Variants in EPS15L1 observed in about 807,000 individuals in gnomAD.
EPS15L1 encodes the protein epidermal growth factor receptor pathway substrate 15 like 1, also known as epidermal growth factor receptor substrate 15-like 1.
Under a neutral mutation model 117.1 loss-of-function variants are expected in EPS15L1, and 43 were observed. That is an observed-to-expected ratio of 0.37 (90% CI 0.29 to 0.47). The LOEUF (loss-of-function observed/expected upper bound fraction) is 0.47, where lower values mean the gene tolerates loss of function less well. Ranked by LOEUF, EPS15L1 falls within the 20% of genes least tolerant of loss-of-function variation. The pLI is 0.99. For missense variants in EPS15L1, 981 were observed against 1,164.0 expected, an observed-to-expected ratio of 0.84 and a Z score of 2.29; for synonymous variants, 459 against 470.5, an observed-to-expected ratio of 0.98 and a Z score of 0.32.
chr19:16,417,818 C>T (rs920321312), intron 11 of EPS15L1, 130 bp downstream of exon 11: 16 of 1,369,482 alleles, frequency 1.2e-5, no homozygotes, highest in African/African-American at 4.3e-5. Flanking sequence ...TCCCGGGGGC[C>T]CCTGTTGAGG....
chr19:16,461,442 A>G (rs1287751188), intron 1 of EPS15L1, among the ~76,000 whole-genome samples: 1 of 151,872 alleles, frequency 6.6e-6, no homozygotes, highest in Non-Finnish European at 1.5e-5. Context: ...GGCAACATGG[A>G]GAAACCCCAT....
Position 16,405,001 on chromosome 19 carries a change from AG to A in EPS15L1, c.1267-253del, listed in dbSNP as rs1161051043. On this transcript the variant is annotated intron_variant, in intron 13 of 23. Coordinates refer to ENST00000455140, the MANE Select transcript of EPS15L1 (RefSeq NM_001258374.3). This position sits in a 1 kb window ranked among gnomAD's most constrained non-coding sequence, Gnocchi z 4.0. ...CCTAACAGAGGCCAGGTGCGAGAGA[AG>A]GGGCTGGGTCCCTGTGAGAAAAAGG... Among the ~76,000 whole-genome samples, 2 of 152,182 alleles carry A rather than the reference AG, an allele frequency of 1.3e-5. No homozygotes were observed. The highest frequency in any genetic ancestry group is 4.1e-4 in the South Asian group (2 of 4,834).
At chr19:16,461,401 G>A (rs1022436854) in intron 1 of EPS15L1, among the ~76,000 whole-genome samples, 3 of 151,900 alleles carry the variant, frequency 2.0e-5, no homozygotes, top group South Asian at 4.2e-4. Context: ...CAGGTGGATC[G>A]CTTTGAGCTC....
At chr19:16,410,035 G>A (rs1051291276) in intron 13 of EPS15L1, among the ~76,000 whole-genome samples, 3 of 149,338 alleles carry the variant, frequency 2.0e-5, no homozygotes, top group Non-Finnish European at 1.5e-5. Context: ...TCGGGAAGCC[G>A]AGGCACGAAA....
chr19:16,357,357 TCAGTGCCCG>T (rs2091994974), intron 23 of EPS15L1: 1 of 152,262 alleles, frequency 6.6e-6, no homozygotes, highest in African/African-American at 2.4e-5. Context: ...GGTGTGAGGC[TCAGTGCCCG>T]ACCTTGGGGT....
At chr19:16,457,337 C>G (rs1283909409) in intron 1 of EPS15L1, among the ~76,000 whole-genome samples, 1 of 152,144 alleles carries the variant, frequency 6.6e-6, no homozygotes, top group East Asian at 1.9e-4. Context: ...ATGGAAGAGA[C>G]AGGATGGAGG....
chr19:16,457,015 C>T (rs570258865), intron 1 of EPS15L1, among the ~76,000 whole-genome samples: 4 of 152,126 alleles, frequency 2.6e-5, no homozygotes, highest in South Asian at 2.1e-4. Context: ...AGATGGTAAA[C>T]GGCAGAAATC....
At chr19:16,413,494 A>C in intron 13 of EPS15L1, 1 of 725,594 alleles carries the variant, frequency 1.4e-6, no homozygotes. Context: ...TCTCCCTATC[A>C]GGAGTTCACT....
intron 16 of EPS15L1, chr19:16,401,435 A>G: frequency 1.0e-6 from 1 of 985,592 alleles, no homozygotes; most frequent in African/African-American, 1.7e-5. Context: ...GCCCAGGAGC[A>G]GAAGGGCTCC....
At chr19:16,434,146 T>C (rs113775789) in intron 7 of EPS15L1, among the ~76,000 whole-genome samples, 6 of 152,320 alleles carry the variant, frequency 3.9e-5, no homozygotes, top group African/African-American at 1.4e-4. Flanking sequence ...GGAAGGATTC[T>C]GGCACCTTCC....
chr19:16,404,354 T>C lies in EPS15L1; in HGVS notation c.1428+234A>G, dbSNP rs1280431756. 6.6e-6 allele frequency among the ~76,000 whole-genome samples: 1 copy of C among 152,118 alleles called. No homozygotes were observed. The highest frequency in any genetic ancestry group is 1.5e-5 in the Non-Finnish European group (1 of 68,018). ...AGGTGGGGTGTGTTCAGGGCACAAGTTCGCAGGGACCAAGGCCATTCACTT... is the reference window on the plus strand; with the variant it reads ...AGGTGGGGTGTGTTCAGGGCACAAGCTCGCAGGGACCAAGGCCATTCACTT... On this transcript the variant is annotated intron_variant, in intron 14 of 23. Coordinates refer to ENST00000455140, the MANE Select transcript of EPS15L1 (RefSeq NM_001258374.3). This position sits in a 1 kb window ranked among gnomAD's most constrained non-coding sequence, Gnocchi z 4.2.
Position 16,442,052 on chromosome 19 carries a change from C to T in EPS15L1, c.76-71G>A, listed in dbSNP as rs994028534. 8.1e-5 allele frequency: 120 copies of T among 1,483,324 alleles called. No homozygotes were observed. The Middle Eastern group carries it at 1.4e-3, about 17-fold the overall frequency. The allele number at this position is 1,483,324 out of a possible 1,614,324, so 91.9% of individuals were successfully genotyped here. ...GCAGCAGGTGAAGTGGCACCCGCCA[C>T]GCTAACTATCCGCTGACAGTGAACA... is the stretch of plus-strand genomic sequence containing the variant. On this transcript the variant is annotated intron_variant, in intron 2 of 23. Coordinates refer to ENST00000455140, the MANE Select transcript of EPS15L1 (RefSeq NM_001258374.3).
Position 16,424,333 on chromosome 19 carries a change from C to T in EPS15L1, c.792+750G>A, listed in dbSNP as rs145641260. Among the ~76,000 whole-genome samples, 6 of 152,040 alleles carry T rather than the reference C, an allele frequency of 3.9e-5. No homozygotes were observed. The East Asian group carries it at 5.8e-4, about 15-fold the overall frequency. On this transcript the variant is annotated intron_variant, in intron 9 of 23. Transcript: ENST00000455140. The stretch of plus-strand genomic sequence containing the variant: ...GCAGGAGCTATACCCTCCCACCCCA[C>T]CCCACCAGGGGCCACTGGTAAAATC...
chr19:16,436,968 G>A lies in EPS15L1; in HGVS notation c.341C>T (p.Pro114Leu), dbSNP rs553724318. 20 of 1,614,072 alleles carry A rather than the reference G, an allele frequency of 1.2e-5. No individual in the cohort carries two copies. The highest frequency in any genetic ancestry group is 4.4e-5 in the South Asian group (4 of 91,086). The change falls in exon 6 of 24, where the codon CCG (proline) becomes CTG (leucine). Residue 114 changes from proline to leucine, a missense_variant. Pro to Leu is a moderately conservative substitution (Grantham distance 98, BLOSUM62 -3). This residue lies in a region of EPS15L1 where 52 missense variants were observed against 53.1 expected (regional missense o/e 0.98). Transcript: ENST00000455140. ...HDTSSPLMVT[P>L]PSAEAHWAVR... ...AGCCCAGTGGGCCTCTGCAGAGGGC[G>A]GTGTGACCATCAGAGGGCTGCTGGT...
intron 4 of EPS15L1, among the ~76,000 whole-genome samples, chr19:16,440,330 G>A (rs2093018740): frequency 6.6e-6 from 1 of 152,030 alleles, no homozygotes; most frequent in Non-Finnish European, 1.5e-5. Flanking sequence ...CTACTCCAGA[G>A]GCTGAGGCAG....
intron 16 of EPS15L1, chr19:16,401,435 A>T (rs1599584066): frequency 1.0e-6 from 1 of 985,592 alleles, no homozygotes; most frequent in Non-Finnish European, 1.2e-6. Context: ...GCCCAGGAGC[A>T]GAAGGGCTCC....
At chr19:16,418,876 T>C (rs944810781) in intron 10 of EPS15L1, among the ~76,000 whole-genome samples, 1 of 152,182 alleles carries the variant, frequency 6.6e-6, no homozygotes, top group East Asian at 1.9e-4. Context: ...TGCTGGTGCC[T>C]GGATCACAGA....
chr19:16,443,394 C>T (rs2093051534), intron 1 of EPS15L1: 1 of 152,050 alleles, frequency 6.6e-6, no homozygotes, highest in Non-Finnish European at 1.5e-5. Flanking sequence ...TGTTGTGCTA[C>T]AAAGGGTCAT....
chr19:16,421,798 C>T (rs1410977933), intron 9 of EPS15L1, among the ~76,000 whole-genome samples: 1 of 152,132 alleles, frequency 6.6e-6, no homozygotes, highest in Non-Finnish European at 1.5e-5. Flanking sequence ...TGGGTTCAAG[C>T]ATGCCAGGAA....
Sources: gnomAD v4.1 joint callset for allele counts (sites outside exome capture counted in the v4.1 genomes callset) on GRCh38, gnomAD v4.1.1 for gene constraint, gnomAD v4.1.1 regional missense constraint, Gnocchi (gnomAD v3.1) non-coding constraint, MANE v1.5 for transcripts, NCBI Gene and HGNC (gene_info 2026-07-23, HGNC 2026-07-21) for gene names.